LRP2: variants seen among roughly 807,000 people sequenced by gnomAD.
LRP2 encodes the protein low-density lipoprotein receptor-related protein 2.
LRP2 carries 172 observed loss-of-function variants against 531.0 expected under a neutral mutation model. The ratio of observed to expected loss-of-function variants is 0.32; its 90% CI spans 0.29 to 0.37. The LOEUF (loss-of-function observed/expected upper bound fraction) is 0.37. Among genes scored for constraint, LRP2 ranks in the 10% least tolerant of loss-of-function variants. The probability of loss-of-function intolerance (pLI) is 1.00; values close to 1 mark genes in which losing one functional copy is unlikely to be tolerated. For synonymous variants in LRP2, 1,992 were observed against 2,027.6 expected (o/e 0.98, Z 0.47); for missense variants, 5,167 against 5,868.3 (o/e 0.88, Z 3.90).
At chr2:169,332,387 C>T (rs946490433) in intron 1 of LRP2, among the ~76,000 whole-genome samples, 1 of 144,724 alleles carries the variant, frequency 6.9e-6, no homozygotes, top group African/African-American at 2.7e-5. Context: ...AGAGAAGAGG[C>T]AAAAATAGGG....
chr2:169,320,641 ACAGATCT>A (rs1166368606), intron 2 of LRP2, 129 bp downstream of exon 2: 1 of 740,482 alleles, frequency 1.4e-6, no homozygotes, highest in Non-Finnish European at 2.5e-6. Flanking sequence ...ATTCAACCAC[ACAGATCT>A]CAAAAGACTT....
rs537616155 is a variant in LRP2 at position 169,152,943 on chromosome 2, C to T, written c.12317G>A (p.Arg4106Gln). ...IGLSVVYYTV[R>Q]GEGSRFGAIK... is the part of the protein sequence containing the mutation. ...AGCACCAAACCTAGAGCCCTCCCCT[C>T]GCACAGTGTAATACACAACACCTAC... Residue 4106 changes from arginine to glutamine, a missense_variant, in exon 67 of 79, where the codon CGA (arginine) becomes CAA (glutamine). Physicochemically the swap from Arg to Gln is conservative, Grantham distance 43 (BLOSUM62 1). Coordinates refer to ENST00000649046, the MANE Select transcript of LRP2 (RefSeq NM_004525.3). 1.1e-5 allele frequency: 18 copies of T among 1,613,942 alleles called. No homozygotes were observed. Among genetic ancestry groups the T allele is most frequent in the Middle Eastern group, 1.7e-4 (1 of 6,002 alleles).
At chr2:169,221,840 T>C (rs941008858) in intron 33 of LRP2, among the ~76,000 whole-genome samples, 3 of 152,192 alleles carry the variant, frequency 2.0e-5, no homozygotes, top group Admixed American at 6.5e-5. Flanking sequence ...ATCTCTCTCC[T>C]TTTCCTAAGA....
chr2:169,134,264 T>C (rs1192795270), intron 76 of LRP2, among the ~76,000 whole-genome samples: 2 of 152,078 alleles, frequency 1.3e-5, no homozygotes, highest in South Asian at 2.1e-4. Flanking sequence ...CTCTCTACAG[T>C]TCTCATAACT....
Position 169,231,805 on chromosome 2 carries a change from G to A in LRP2, c.5136C>T (p.Leu1712=). 1 of 1,614,088 alleles carries A rather than the reference G, an allele frequency of 6.2e-7. No individual in the cohort carries two copies. Among genetic ancestry groups the A allele is most frequent in the Non-Finnish European group, 8.5e-7 (1 of 1,180,000 alleles). ...NPCAFSRCSH[L]CLLSSQGPHF... ...GAGGCCCCTGTGAGGAAAGCAGGCA[G>A]AGATGGCTGCAGCGGGAAAAGGCAC... Residue 1712 remains leucine, a synonymous_variant, in exon 31 of 79, where the codon CTC becomes CTT. Coordinates refer to ENST00000649046, the MANE Select transcript of LRP2 (RefSeq NM_004525.3).
intron 16 of LRP2, among the ~76,000 whole-genome samples, chr2:169,264,802 A>G (rs898612663): frequency 3.9e-5 from 6 of 151,998 alleles, no homozygotes; most frequent in African/African-American, 1.4e-4. Flanking sequence ...GAGCAATCCA[A>G]TGCCTAGGTC....
In LRP2 at chr2:169,169,587, C is replaced by T. The variant is rs541343032; in HGVS notation, c.11497+115G>A. ...GTGAACTGATCATTATCAGTGCATG[C>T]TGAACAGACAATACTTATGGCCTTT... On this transcript the variant is annotated intron_variant, in intron 60 of 78. Coordinates refer to ENST00000649046, the MANE Select transcript of LRP2 (RefSeq NM_004525.3). 9 of 821,258 alleles carry T rather than the reference C, an allele frequency of 1.1e-5. No homozygotes were observed. In the African/African-American group the frequency reaches 1.3e-4, roughly 12 times the overall value. The allele number at this position is 821,258 out of a possible 1,614,324, so 50.9% of individuals were successfully genotyped here. A position where few individuals can be genotyped will look rare whatever the true frequency, so the allele number is the denominator to read the frequency against.
chr2:169,127,282 CCATT>C lies in LRP2; in HGVS notation c.*1377_*1380del, dbSNP rs766692356. 8 of 152,566 alleles carry C rather than the reference CCATT, an allele frequency of 5.2e-5. No individual in the cohort carries two copies. The South Asian group carries it at 8.3e-4, about 16-fold the overall frequency. 9.5% of individuals were successfully genotyped at this position (152,566 alleles called of 1,614,324 possible). ...TTCATTCATCCATCCATCCATCCAT[CCATT>C]CATTCATTGTTTAACAAATGTGCAA... On this transcript the variant is annotated 3_prime_UTR_variant, in exon 79 of 79. Transcript: ENST00000649046.
chr2:169,358,145 G>A (rs1686041391), intron 1 of LRP2, among the ~76,000 whole-genome samples: 1 of 152,178 alleles, frequency 6.6e-6, no homozygotes, highest in South Asian at 2.1e-4. Flanking sequence ...TATCTGGCAA[G>A]TCAGGATTCC....
intron 65 of LRP2, among the ~76,000 whole-genome samples, chr2:169,155,493 T>C (rs1686295791): frequency 6.6e-6 from 1 of 152,154 alleles, no homozygotes; most frequent in Admixed American, 6.5e-5. Flanking sequence ...TATGAAGAAA[T>C]TGAACAGCCA....
In LRP2 at chr2:169,206,716, G is replaced by T. The variant is rs1285451840; in HGVS notation, c.7004C>A (p.Pro2335His). Residue 2335 changes from proline to histidine, a missense_variant, in exon 39 of 79, where the codon CCC becomes CAC. Pro to His is a moderately conservative substitution (Grantham distance 77). Transcript: ENST00000649046. ...DVTIFDKQVQ[P>H]RSPAEVNNNP... Reference sequence around the variant, plus strand: ...GTTGTTGACCTCTGCTGGTGACCGGGGCTGGACTTGCTTGTCAAAGATGGT... The same window carrying T: ...GTTGTTGACCTCTGCTGGTGACCGGTGCTGGACTTGCTTGTCAAAGATGGT... 1.9e-6 allele frequency: 3 copies of T among 1,614,010 alleles called. No homozygotes were observed. The African/African-American group carries it at 4.0e-5, about 22-fold the overall frequency.
rs1015366268 is a variant in LRP2 at position 169,182,026 on chromosome 2, A to G, written c.9998+141T>C. 40 of 1,065,706 alleles carry G rather than the reference A, an allele frequency of 3.8e-5. No homozygotes were observed. In the Admixed American group the frequency reaches 7.2e-4, roughly 19 times the overall value. 66.0% of individuals were successfully genotyped at this position (1,065,706 alleles called of 1,614,324 possible). A position where few individuals can be genotyped will look rare whatever the true frequency, so the allele number is the denominator to read the frequency against. The stretch of plus-strand genomic sequence containing the variant: ...AAGCCATGCTTCTACTCATTACACT[A>G]AACAATTTACCAAGTAGGAAAAGCA... On this transcript the variant is annotated intron_variant, in intron 51 of 78. Transcript: ENST00000649046.
intron 49 of LRP2, 128 bp from the exon 50 acceptor site, chr2:169,186,147 G>T (rs1687629794): frequency 2.6e-6 from 2 of 781,276 alleles, no homozygotes; most frequent in Non-Finnish European, 4.1e-6. Flanking sequence ...AGACAACAAA[G>T]ACTTCCAAAG....
At chr2:169,173,774 T>C (rs1473915460) in intron 56 of LRP2, 145 bp downstream of exon 56, 11 of 1,093,726 alleles carry the variant, frequency 1.0e-5, no homozygotes, top group Non-Finnish European at 1.5e-5. Context: ...TACTCTGCCT[T>C]GCAGTGCCAG....
At chr2:169,221,154 T>C (rs1254541847) in intron 33 of LRP2, among the ~76,000 whole-genome samples, 1 of 152,216 alleles carries the variant, frequency 6.6e-6, no homozygotes, top group Non-Finnish European at 1.5e-5. Flanking sequence ...CAGTCAAATA[T>C]GGAAGGTCTG....
intron 19 of LRP2, among the ~76,000 whole-genome samples, chr2:169,251,671 A>C (rs1389947884): frequency 2.5e-5 from 2 of 78,452 alleles, no homozygotes; most frequent in Admixed American, 1.6e-4. Context: ...AGAGGCACAA[A>C]AAACCCTTCA....
At position 169,176,477 on chromosome 2, in the gene LRP2, A is replaced by C; in HGVS notation, c.10505T>G (p.Leu3502Arg). The change falls in exon 54 of 79, where the codon CTG becomes CGG. Residue 3502 changes from leucine (L) to arginine (R), a missense_variant. Leu to Arg is a moderately radical substitution (Grantham distance 102). Transcript: ENST00000649046. ...GGGCATGCAGTAGGTGCTGCCACTC[A>C]GCTGAAGGGTGCGGAAGTCATCTGG... ...ECPDDFRTLQ[L>R]SGSTYCMPMC... is the part of the protein sequence containing the mutation. 1 of 1,614,186 alleles carries C rather than the reference A, an allele frequency of 6.2e-7. No individual in the cohort carries two copies. The highest frequency in any genetic ancestry group is 8.5e-7 in the Non-Finnish European group (1 of 1,180,022).
At chr2:169,284,185 G>A (rs1402135801) in intron 9 of LRP2, among the ~76,000 whole-genome samples, 2 of 151,372 alleles carry the variant, frequency 1.3e-5, no homozygotes, top group African/African-American at 4.9e-5. Flanking sequence ...CATTCCTGCT[G>A]GGTGGCCCAC....
rs751787722 is a variant in LRP2 at position 169,169,827 on chromosome 2, A to G, written c.11381-9T>C. 4.4e-6 allele frequency: 7 copies of G among 1,577,432 alleles called. No individual in the cohort carries two copies. In the African/African-American group the frequency reaches 9.4e-5, roughly 21 times the overall value. ...ATGGCAGGTCCTCATCTCTGAAGAGAAAAGATTGTCATTCCGAGAAGGCCT... is the reference window on the plus strand; with the variant it reads ...ATGGCAGGTCCTCATCTCTGAAGAGGAAAGATTGTCATTCCGAGAAGGCCT... On this transcript the variant is annotated splice_polypyrimidine_tract_variant and intron_variant, in intron 59 of 78. Coordinates refer to ENST00000649046, the MANE Select transcript of LRP2 (RefSeq NM_004525.3).
Sources: allele counts gnomAD v4.1 joint callset (sites outside exome capture counted in the v4.1 genomes callset), GRCh38; gene constraint gnomAD v4.1.1; transcripts MANE v1.5; gene names NCBI Gene and HGNC (gene_info 2026-07-23, HGNC 2026-07-21).